NEDD4L: variants seen among roughly 807,000 people sequenced by gnomAD.
NEDD4L encodes E3 ubiquitin-protein ligase NEDD4-like.
In NEDD4L, 54 loss-of-function variants were observed where a neutral mutation model predicts 148.9. The observed-to-expected ratio is 0.36, with a 90% CI of 0.29 to 0.45. The LOEUF (loss-of-function observed/expected upper bound fraction) is 0.45, where lower values mean the gene tolerates loss of function less well. Ranked by LOEUF, NEDD4L falls within the 20% of genes least tolerant of loss-of-function variation. The probability of loss-of-function intolerance (pLI) is 1.00; values close to 1 mark genes in which losing one functional copy is unlikely to be tolerated. For synonymous variants in NEDD4L, 433 were observed against 440.7 expected, an observed-to-expected ratio of 0.98 and a Z score of 0.22; for missense variants, 856 against 1,233.8, an observed-to-expected ratio of 0.69 and a Z score of 4.59.
chr18:58,376,237 C>T (rs976610591), intron 24 of NEDD4L, among the ~76,000 whole-genome samples: 1 of 152,138 alleles, frequency 6.6e-6, no homozygotes, highest in Admixed American at 6.5e-5. Context: ...TCTAATAAAT[C>T]TTCTGATGAT....
intron 2 of NEDD4L, among the ~76,000 whole-genome samples, chr18:58,203,881 T>C (rs1743707818): frequency 6.6e-6 from 1 of 152,164 alleles, no homozygotes; most frequent in Admixed American, 6.5e-5. Flanking sequence ...AGAGAAAGTT[T>C]TTCAGTCTGA....
Position 58,044,456 on chromosome 18 carries a change from C to A in NEDD4L, c.-205C>A, listed in dbSNP as rs2081481336. On this transcript the variant is annotated 5_prime_UTR_variant, in exon 1 of 31. Transcript: ENST00000400345. ...AGCCGCCCGCCCGCTGGTCCCGCAG[C>A]CTTCCGGGAGGAAGCGGTGCCGGCA... 3.8e-6 allele frequency: 2 copies of A among 531,896 alleles called. No individual in the cohort carries two copies. Among genetic ancestry groups the A allele is most frequent in the South Asian group, 9.8e-5 (1 of 10,218 alleles). 32.9% of individuals were successfully genotyped at this position (531,896 alleles called of 1,614,324 possible). A position where few individuals can be genotyped will look rare whatever the true frequency, so the allele number is the denominator to read the frequency against.
chr18:58,223,113 T>A (rs1171861116), intron 2 of NEDD4L, among the ~76,000 whole-genome samples: 1 of 151,712 alleles, frequency 6.6e-6, no homozygotes, highest in Admixed American at 6.6e-5. Context: ...GGGAATCTAG[T>A]AAGATGGAAG....
chr18:58,191,788 C>G (rs1255072941), intron 2 of NEDD4L, among the ~76,000 whole-genome samples: 1 of 152,144 alleles, frequency 6.6e-6, no homozygotes, highest in Non-Finnish European at 1.5e-5. Flanking sequence ...CTGGGAAACC[C>G]CAGTGCTTCA....
At chr18:58,262,094 T>G (rs921029856) in intron 5 of NEDD4L, among the ~76,000 whole-genome samples, 1 of 152,170 alleles carries the variant, frequency 6.6e-6, no homozygotes, top group Non-Finnish European at 1.5e-5. Context: ...TGATATTCCA[T>G]GTCCTGCACA....
At chr18:58,162,613 C>T (rs2036357844) in intron 1 of NEDD4L, among the ~76,000 whole-genome samples, 1 of 150,112 alleles carries the variant, frequency 6.7e-6, no homozygotes, top group African/African-American at 2.5e-5. Flanking sequence ...AGTCTGTCTT[C>T]CGCCTACTAG....
At chr18:58,358,799 T>C (rs529107080) in intron 19 of NEDD4L, among the ~76,000 whole-genome samples, 33 of 152,320 alleles carry the variant, frequency 2.2e-4, no homozygotes, top group African/African-American at 7.7e-4. Flanking sequence ...TTTCATTTGA[T>C]TTTTCTTCTT....
intron 1 of NEDD4L, among the ~76,000 whole-genome samples, chr18:58,126,963 G>A (rs1371797576): frequency 6.6e-6 from 1 of 152,246 alleles, no homozygotes; most frequent in Non-Finnish European, 1.5e-5. Flanking sequence ...TGACTGACCA[G>A]AGAACCCTTG....
Position 58,383,259 on chromosome 18 carries a change from AT to A in NEDD4L, c.2369del (p.Leu790Ter). On this transcript the variant is annotated frameshift_variant, in exon 25 of 31. Transcript: ENST00000400345. LOFTEE classifies it high-confidence loss of function. ...TTGTAATTACAGACATATCAAGTGG[AT>A]TTGAAGCCCAATGGGTCAGAAATAA... ...EENFGQTYQV[D>X]LKPNGSEIMV... 1 of 1,532,908 alleles carries A rather than the reference AT, an allele frequency of 6.5e-7. No individual in the cohort carries two copies. Among genetic ancestry groups the A allele is most frequent in the Non-Finnish European group, 8.9e-7 (1 of 1,129,176 alleles). 95.0% of individuals were successfully genotyped at this position (1,532,908 alleles called of 1,614,324 possible).
intron 25 of NEDD4L, 149 bp from the exon 26 acceptor site, chr18:58,385,377 A>G (rs2048874894): frequency 2.8e-6 from 2 of 718,172 alleles, no homozygotes; most frequent in Non-Finnish European, 5.1e-6. Context: ...GAAAGAAGCC[A>G]TGAATAAACT....
In NEDD4L at chr18:58,341,806, G is replaced by T. The variant is rs1390357611; in HGVS notation, c.1377+9G>T. ...TATCTGCCCCGCTGGAGGTGAGACG[G>T]CTACCTCATCTAACTGGACTCACTC... is the stretch of plus-strand genomic sequence containing the variant. On this transcript the variant is annotated intron_variant, in intron 15 of 30. Transcript: ENST00000400345. 1.9e-6 allele frequency: 3 copies of T among 1,610,572 alleles called. No individual in the cohort carries two copies. Among genetic ancestry groups the T allele is most frequent in the Non-Finnish European group, 2.5e-6 (3 of 1,178,536 alleles).
At chr18:58,089,021 G>A (rs937317903) in intron 1 of NEDD4L, among the ~76,000 whole-genome samples, 8 of 151,816 alleles carry the variant, frequency 5.3e-5, no homozygotes, top group African/African-American at 1.2e-4. Context: ...CAACCTGGTC[G>A]TAAGAAAATA....
chr18:58,325,238 A>G (rs1601263536), intron 9 of NEDD4L, 76 bp downstream of exon 9: 1 of 1,544,010 alleles, frequency 6.5e-7, no homozygotes, highest in South Asian at 1.2e-5. Context: ...GCCCTTTGGG[A>G]CAAGGCTGGG....
At chr18:58,189,329 C>G (rs1415030610) in intron 2 of NEDD4L, among the ~76,000 whole-genome samples, 2 of 152,152 alleles carry the variant, frequency 1.3e-5, no homozygotes, top group Non-Finnish European at 2.9e-5. Context: ...CTTCCAAAAC[C>G]CAAACCACAG....
At chr18:58,155,420 T>A (rs1358413091) in intron 1 of NEDD4L, among the ~76,000 whole-genome samples, 2 of 152,220 alleles carry the variant, frequency 1.3e-5, no homozygotes, top group Non-Finnish European at 2.9e-5. Flanking sequence ...CTATTTTGCT[T>A]TATAAAAATT....
intron 1 of NEDD4L, among the ~76,000 whole-genome samples, chr18:58,113,772 A>G (rs868098078): frequency 1.8e-4 from 27 of 152,142 alleles, no homozygotes; most frequent in African/African-American, 6.0e-4. Flanking sequence ...ACAAAACAAA[A>G]CAAAACAAAA....
chr18:58,111,533 G>A, intron 1 of NEDD4L, among the ~76,000 whole-genome samples: 1 of 152,168 alleles, frequency 6.6e-6, no homozygotes, highest in Middle Eastern at 3.2e-3. Flanking sequence ...GTCATGCCAT[G>A]TATGGTTGTT....
rs768352157 is a variant in NEDD4L at position 58,374,003 on chromosome 18, G to A, written c.2352+734G>A. Among the ~76,000 whole-genome samples the A allele has an allele frequency of 9.9e-5, 15 of 152,242 alleles. No homozygotes were observed. The South Asian group carries it at 1.0e-3, about 11-fold the overall frequency. On this transcript the variant is annotated intron_variant, in intron 24 of 30. Coordinates refer to ENST00000400345, the MANE Select transcript of NEDD4L (RefSeq NM_001144967.3). Reference sequence around the variant, plus strand: ...CTCTGACCCTGGTACCTGTCCTTCCGCAAAAGCCCAGAGGTATTTCCCATC... The same window carrying A: ...CTCTGACCCTGGTACCTGTCCTTCCACAAAAGCCCAGAGGTATTTCCCATC...
intron 1 of NEDD4L, among the ~76,000 whole-genome samples, chr18:58,115,653 C>T (rs373084695): frequency 3.3e-5 from 5 of 152,106 alleles, no homozygotes; most frequent in Admixed American, 1.3e-4. Flanking sequence ...TACTCTCTCC[C>T]GTTAGTTCTG....
Sources: gnomAD v4.1 joint callset for allele counts (sites outside exome capture counted in the v4.1 genomes callset) on GRCh38, gnomAD v4.1.1 for gene constraint, MANE v1.5 for transcripts, NCBI Gene and HGNC (gene_info 2026-07-23, HGNC 2026-07-21) for gene names.